PUS1: variants seen among roughly 807,000 people sequenced by gnomAD.
PUS1 encodes pseudouridine synthase 1.
Under a neutral mutation model 38.5 loss-of-function variants are expected in PUS1, and 25 were observed. The observed-to-expected ratio is 0.65, with a 90% confidence interval of 0.47 to 0.91. The LOEUF is 0.91. Among genes scored for constraint, PUS1 ranks in the 40% least tolerant of loss-of-function variants. The probability of loss-of-function intolerance (pLI) is 0.00; values close to 1 mark genes in which losing one functional copy is unlikely to be tolerated. For missense variants in PUS1, 597 were observed against 612.3 expected, an observed-to-expected ratio of 0.97 and a Z score of 0.26; for synonymous variants, 282 against 260.4, an observed-to-expected ratio of 1.08 and a Z score of -0.80.
Position 131,942,468 on chromosome 12 carries a change from G to A in PUS1, c.1236+485G>A, listed in dbSNP as rs563916596. Among the ~76,000 whole-genome samples, 31 of 152,100 alleles carry A rather than the reference G, an allele frequency of 2.0e-4. No homozygotes were observed. In the East Asian group the frequency reaches 5.6e-3, roughly 28 times the overall value. ...GTCACCCAGGCTGGAGTGCAGTGGC[G>A]CGATCTCGGCTCACTGCAAGCTCCG... On this transcript the variant is annotated intron_variant, in intron 5 of 5. Coordinates refer to ENST00000376649, the MANE Select transcript of PUS1 (RefSeq NM_025215.6).
Position 131,930,441 on chromosome 12 carries a change from A to G in PUS1, c.303+306A>G, listed in dbSNP as rs115886447. On this transcript the variant is annotated intron_variant, in intron 2 of 5. Transcript: ENST00000376649. ...ACAGCACCTGCTAAGTAGAGTGTGA[A>G]GATGAGCTAGGTGTACTGACGCTCG... Among the ~76,000 whole-genome samples the G allele has an allele frequency of 0.016, 2,460 of 152,308 alleles. 70 individuals are homozygous for G. Among genetic ancestry groups the G allele is most frequent in the African/African-American group, 0.056 (2,316 of 41,554 alleles).
rs1165194753 is a variant in PUS1 at position 131,939,309 on chromosome 12, G to A, written c.544+34G>A. The stretch of plus-strand genomic sequence containing the variant: ...TGCAGTGCAGGCGGCCACACACCTG[G>A]TTGTAGATGGTCTTGCAGAGACACG... On this transcript the variant is annotated intron_variant, in intron 4 of 5. Transcript: ENST00000376649. 11 of 1,324,852 alleles carry A rather than the reference G, an allele frequency of 8.3e-6. No homozygotes were observed. In the South Asian group the frequency reaches 1.4e-4, roughly 17 times the overall value. 82.1% of individuals were successfully genotyped at this position (1,324,852 alleles called of 1,614,324 possible).
chr12:131,933,983 G>C (rs945051085), intron 3 of PUS1, among the ~76,000 whole-genome samples: 1 of 152,220 alleles, frequency 6.6e-6, no homozygotes, highest in Middle Eastern at 3.2e-3. Flanking sequence ...ATAAGGTCAC[G>C]CGAGTGACAT....
intron 1 of PUS1, 33 bp downstream of exon 1, chr12:131,929,829 G>GGCCGGC: frequency 4.1e-6 from 6 of 1,479,398 alleles, no homozygotes; most frequent in African/African-American, 2.8e-5. Context: ...ACCCCGCTAT[G>GGCCGGC]CCCGCCCAGC....
In PUS1 at chr12:131,941,434, G is replaced by A. The variant is rs1314655487; in HGVS notation, c.687G>A (p.Leu229=). The A allele has an allele frequency of 6.2e-7, 1 of 1,613,874 alleles. No homozygotes were observed. The highest frequency in any genetic ancestry group is 1.1e-5 in the South Asian group (1 of 91,088). Residue 229 remains leucine (L), a synonymous_variant, in exon 5 of 6, where the codon CTG becomes CTA. Coordinates refer to ENST00000376649, the MANE Select transcript of PUS1 (RefSeq NM_025215.6). The surrounding 1 kb of genome is among the most constrained non-coding windows in gnomAD (Gnocchi z 4.4). ...DETYRLSAET[L]QQVNRLLACY... ...CCTACCGCCTGAGCGCCGAGACGCT[G>A]CAGCAGGTCAACAGGCTCCTGGCCT...
chr12:131,933,722 C>T (rs191255272), intron 3 of PUS1, among the ~76,000 whole-genome samples: 2 of 152,336 alleles, frequency 1.3e-5, no homozygotes, highest in East Asian at 3.9e-4. Flanking sequence ...GGGGATGTCT[C>T]TAAGGAGGGA....
At position 131,939,267 on chromosome 12, in the gene PUS1, G is replaced by A. The variant is rs1019088355; in HGVS notation, c.536G>A (p.Arg179Gln). ...KINSHLPSHI[R>Q]ILGLKRVTGG... ...AACAGCCACCTTCCCTCTCACATTC[G>A]GATTCTGGGTAAGCCTTGCAGTGCA... Residue 179 changes from arginine to glutamine, a missense_variant, in exon 4 of 6, where the codon CGG (arginine) becomes CAG (glutamine). By Grantham distance (43) the Arg-to-Gln change is conservative. Coordinates refer to ENST00000376649, the MANE Select transcript of PUS1 (RefSeq NM_025215.6). The A allele has an allele frequency of 5.8e-6, 9 of 1,554,970 alleles. No homozygotes were observed. The highest frequency in any genetic ancestry group is 1.2e-5 in the South Asian group (1 of 84,708).
chr12:131,936,337 C>T (rs1044336211), intron 3 of PUS1, among the ~76,000 whole-genome samples: 1 of 151,946 alleles, frequency 6.6e-6, no homozygotes, highest in Admixed American at 6.6e-5. Context: ...CCGAGGTGGG[C>T]GGATCACCTG....
In PUS1 at chr12:131,941,931, C is replaced by G. The variant is rs2136444708; in HGVS notation, c.1184C>G (p.Pro395Arg). 1 of 1,613,266 alleles carries G rather than the reference C, an allele frequency of 6.2e-7. No homozygotes were observed. Among genetic ancestry groups the G allele is most frequent in the East Asian group, 2.2e-5 (1 of 44,880 alleles). The change falls in exon 5 of 6, where the codon CCC becomes CGC. Residue 395 changes from proline (P) to arginine (R), a missense_variant. Physicochemically the swap from Pro to Arg is moderately radical, Grantham distance 103. Transcript: ENST00000376649. The surrounding 1 kb of genome is among the most constrained non-coding windows in gnomAD (Gnocchi z 4.4). ...ATGGCCCAGTGGCTGAGCACCTTGC[C>G]CATCCACAACTTCAGTGCCACCGCT... ...RSMAQWLSTL[P>R]IHNFSATALT...
chr12:131,935,824 T>C (rs1318471338), intron 3 of PUS1, among the ~76,000 whole-genome samples: 8 of 152,114 alleles, frequency 5.3e-5, no homozygotes, highest in African/African-American at 1.9e-4. Flanking sequence ...TGAGCCCCCG[T>C]GCCCGGCCTA....
intron 3 of PUS1, among the ~76,000 whole-genome samples, chr12:131,938,039 T>C (rs1205936285): frequency 6.6e-6 from 1 of 152,230 alleles, no homozygotes; most frequent in Non-Finnish European, 1.5e-5. Flanking sequence ...TTTCTTTTCT[T>C]CAGCTTCTTT....
intron 5 of PUS1, among the ~76,000 whole-genome samples, chr12:131,942,614 GC>G (rs1891136211): frequency 6.6e-6 from 1 of 152,136 alleles, no homozygotes; most frequent in South Asian, 2.1e-4. Flanking sequence ...CACCATGTTA[GC>G]CAGGATGGTC....
At chr12:131,935,558 G>C (rs1472481833) in intron 3 of PUS1, among the ~76,000 whole-genome samples, 2 of 152,092 alleles carry the variant, frequency 1.3e-5, no homozygotes, top group Non-Finnish European at 2.9e-5. Context: ...TTTTGAGACG[G>C]AGTTTCACTC....
At chr12:131,930,220 A>T (rs1343673939) in intron 2 of PUS1, 85 bp downstream of exon 2, 6 of 977,596 alleles carry the variant, frequency 6.1e-6, no homozygotes, top group Non-Finnish European at 8.3e-6. Flanking sequence ...GGCTGGGTTT[A>T]GGTGCAGGAG....
chr12:131,939,081 G>T, intron 3 of PUS1, 92 bp from the exon 4 acceptor site: 1 of 826,122 alleles, frequency 1.2e-6, no homozygotes, highest in South Asian at 1.4e-5. Flanking sequence ...TGTGTGAAAT[G>T]ACGTAAGGTC....
rs1409037780 is a variant in PUS1 at position 131,936,850 on chromosome 12, C to T, written c.442-2323C>T. On this transcript the variant is annotated intron_variant, in intron 3 of 5. Transcript: ENST00000376649. ...GTGGCAGGGAGTCGAGGTTGCGTCA[C>T]TGAGCTCCAGCCTGGCAAAAAAAAA... Among the ~76,000 whole-genome samples the T allele has an allele frequency of 2.0e-5, 3 of 148,474 alleles. No homozygotes were observed. In the East Asian group the frequency reaches 5.9e-4, roughly 29 times the overall value.
chr12:131,930,112 G>C lies in PUS1; in HGVS notation c.280G>C (p.Gly94Arg). Residue 94 changes from glycine (G) to arginine (R), a missense_variant, in exon 2 of 6, where the codon GGC (glycine) becomes CGC (arginine). Transcript: ENST00000376649. Reference sequence around the variant, plus strand: ...GATCGTGCTGCTCATGGCCTATTCGGGCAAGGGCTACCACGGCATGCAGGT... The same window carrying C: ...GATCGTGCTGCTCATGGCCTATTCGCGCAAGGGCTACCACGGCATGCAGGT... The part of the protein sequence containing the change: ...RKIVLLMAYS[G>R]KGYHGMQRNV... 1 of 1,430,252 alleles carries C rather than the reference G, an allele frequency of 7.0e-7. No homozygotes were observed. Among genetic ancestry groups the C allele is most frequent in the Non-Finnish European group, 9.2e-7 (1 of 1,091,796 alleles). The allele number at this position is 1,430,252 out of a possible 1,614,324, so 88.6% of individuals were successfully genotyped here.
chr12:131,932,121 C>T, intron 2 of PUS1, 54 bp from the exon 3 acceptor site: 3 of 1,547,996 alleles, frequency 1.9e-6, no homozygotes, highest in Non-Finnish European at 2.7e-6. Context: ...TGGGCAACAT[C>T]ATGGCGACCT....
chr12:131,936,945 G>A (rs1461921790), intron 3 of PUS1, among the ~76,000 whole-genome samples: 3 of 151,974 alleles, frequency 2.0e-5, no homozygotes, highest in Non-Finnish European at 4.4e-5. Context: ...GCCAGACATA[G>A]GACACCCCAG....
Sources: gnomAD v4.1 joint callset for allele counts (sites outside exome capture counted in the v4.1 genomes callset) on GRCh38, gnomAD v4.1.1 for gene constraint, Gnocchi (gnomAD v3.1) non-coding constraint, MANE v1.5 for transcripts, NCBI Gene and HGNC (gene_info 2026-07-23, HGNC 2026-07-21) for gene names.